Variants in PPL observed in about 807,000 individuals in gnomAD.
PPL encodes periplakin, also known as 190 kDa paraneoplastic pemphigus antigen.
A neutral mutation model predicts 194.4 loss-of-function variants in PPL; 198 were observed. That is an observed-to-expected ratio of 1.02 (90% CI 0.91 to 1.15). The LOEUF is 1.15. Ranked by LOEUF, PPL falls within the 50% of genes most tolerant of loss-of-function variation. The pLI is 0.00. For missense variants in PPL, 2,885 were observed against 2,294.8 expected (o/e 1.26, Z -5.25); for synonymous variants, 1,220 against 972.4 (o/e 1.25, Z -4.74).
At chr16:4,915,124 G>T (rs748300706) in intron 1 of PPL, among the ~76,000 whole-genome samples, 39 of 152,232 alleles carry the variant, frequency 2.6e-4, no homozygotes, top group Non-Finnish European at 5.1e-4. Flanking sequence ...ATGGATTGTG[G>T]CAGATGCAAG....
intron 1 of PPL, among the ~76,000 whole-genome samples, chr16:4,915,486 C>T (rs923213513): frequency 1.9e-4 from 29 of 152,202 alleles, no homozygotes; most frequent in Non-Finnish European, 3.5e-4. Flanking sequence ...TCATCCTTGC[C>T]CTAAGTCCCC....
chr16:4,934,995 G>T (rs2340756), intron 1 of PPL, among the ~76,000 whole-genome samples: 136,351 of 152,138 alleles, frequency 0.9, 61,409 homozygotes, highest in Middle Eastern at 0.95. Flanking sequence ...GAATGGTCTT[G>T]CACCCCAGGC....
chr16:4,889,238 GTTGTTTTTTTTTTTT>G (rs1407593603), intron 18 of PPL, among the ~76,000 whole-genome samples, 177 bp from the exon 19 acceptor site: 1,353 of 21,764 alleles, frequency 0.062, 66 homozygotes, highest in African/African-American at 0.096. Context: ...TTTTGTTGTT[GTTGTTTTTTTTTTTT>G]TTTTTTTTTT....
At chr16:4,921,193 T>G (rs1316392456) in intron 1 of PPL, among the ~76,000 whole-genome samples, 1 of 152,238 alleles carries the variant, frequency 6.6e-6, no homozygotes, top group African/African-American at 2.4e-5. Context: ...TATGAGGCTC[T>G]TGATGCAAGC....
intron 1 of PPL, among the ~76,000 whole-genome samples, chr16:4,919,307 A>T (rs546585346): frequency 2.6e-5 from 4 of 152,352 alleles, no homozygotes; most frequent in Non-Finnish European, 1.5e-5. Flanking sequence ...CCTGTGTAGG[A>T]GAAAGACTTC....
chr16:4,917,558 A>G (rs746974457), intron 1 of PPL, among the ~76,000 whole-genome samples: 1 of 152,142 alleles, frequency 6.6e-6, no homozygotes, highest in Non-Finnish European at 1.5e-5. Flanking sequence ...GGTGATAAAA[A>G]TGTTCTAAAA....
chr16:4,934,929 C>T (rs2089276870), intron 1 of PPL, among the ~76,000 whole-genome samples: 1 of 152,188 alleles, frequency 6.6e-6, no homozygotes, highest in Non-Finnish European at 1.5e-5. Context: ...AGGCATCTGA[C>T]ATCTGCTCAG....
chr16:4,937,061 G>A lies in PPL; in HGVS notation c.-16C>T, dbSNP rs763736646. 1.4e-5 allele frequency: 20 copies of A among 1,389,102 alleles called. No homozygotes were observed. Among genetic ancestry groups the A allele is most frequent in the South Asian group, 1.8e-5 (1 of 55,704 alleles). The allele number at this position is 1,389,102 out of a possible 1,614,324, so 86.0% of individuals were successfully genotyped here. On this transcript the variant is annotated 5_prime_UTR_variant, in exon 1 of 22. Coordinates refer to ENST00000345988, the MANE Select transcript of PPL (RefSeq NM_002705.5). ...GCGAGTTCATGGTGGCGCTCGGGGT[G>A]CGGGCGGCGGCGGCTGGCGGGCCGG... is the stretch of plus-strand genomic sequence containing the variant.
chr16:4,890,039 G>T, intron 18 of PPL, 145 bp downstream of exon 18: 1 of 1,181,948 alleles, frequency 8.5e-7, no homozygotes, highest in Non-Finnish European at 1.2e-6. Context: ...TTGGGAGCTT[G>T]AGCTGAGGCC....
In PPL at chr16:4,884,546, G is replaced by A; in HGVS notation, c.4109C>T (p.Ala1370Val). The A allele has an allele frequency of 6.2e-7, 1 of 1,613,334 alleles. No individual in the cohort carries two copies. ...EEPGLRAEAS[A>V]FAESIDVELR... ...CTCCACATCGATGCTCTCGGCAAAG[G>A]CGCTCGCCTCGGCCCGCAGGCCTGG... is the stretch of plus-strand genomic sequence containing the variant. Residue 1370 changes from alanine to valine, a missense_variant, in exon 22 of 22, where the codon GCC becomes GTC. By Grantham distance (64) the Ala-to-Val change is moderately conservative. Transcript: ENST00000345988. This position sits in a 1 kb window ranked among gnomAD's most constrained non-coding sequence, Gnocchi z 5.7.
At position 4,883,692 on chromosome 16, in the gene PPL, G is replaced by A. The variant is rs1243715868; in HGVS notation, c.4963C>T (p.Arg1655Trp). 1.1e-5 allele frequency: 18 copies of A among 1,613,932 alleles called. No individual in the cohort carries two copies. The African/African-American group carries it at 1.6e-4, about 14-fold the overall frequency. The stretch of plus-strand genomic sequence containing the variant: ...GGGTGGATGACTACGATGGAGCGCC[G>A]CAGGTGGTTCTCCCGCTGCTCCCGC... ...VKREQRENHLRRSIVVIHPDT... is the reference protein window; with the variant it reads ...VKREQRENHLWRSIVVIHPDT... Residue 1655 changes from arginine (R) to tryptophan (W), a missense_variant, in exon 22 of 22, where the codon CGG (arginine) becomes TGG (tryptophan). Arg to Trp is a moderately radical substitution (Grantham distance 101). Transcript: ENST00000345988. This position sits in a 1 kb window ranked among gnomAD's most constrained non-coding sequence, Gnocchi z 4.8.
At chr16:4,912,768 G>A (rs894892462) in intron 1 of PPL, among the ~76,000 whole-genome samples, 1 of 152,170 alleles carries the variant, frequency 6.6e-6, no homozygotes, top group African/African-American at 2.4e-5. Context: ...AGCCGTGGTG[G>A]CGTCAGGCCC....
chr16:4,917,862 A>C (rs2088955997), intron 1 of PPL, among the ~76,000 whole-genome samples: 2 of 152,066 alleles, frequency 1.3e-5, no homozygotes, highest in African/African-American at 4.8e-5. Context: ...AGATTTCGCC[A>C]CTGCATTCCA....
rs1251438508 is a variant in PPL, at chr16:4,887,157, A to G, written c.2585T>C (p.Phe862Ser). ...INRQRLQNLE[F>S]ALNLLRQQPE... ...TACCTGTCTGAGGAGATTCAGAGCA[A>G]ACTCCAGATTCTGCAGCCTCTGTCT... The change falls in exon 21 of 22, where the codon TTT becomes TCT. Residue 862 changes from phenylalanine to serine, a missense_variant. By Grantham distance (155) the Phe-to-Ser change is radical. Transcript: ENST00000345988. The G allele has an allele frequency of 6.2e-7, 1 of 1,614,082 alleles. No homozygotes were observed. Among genetic ancestry groups the G allele is most frequent in the Non-Finnish European group, 8.5e-7 (1 of 1,179,912 alleles).
At chr16:4,928,996 A>C (rs28385354) in intron 1 of PPL, among the ~76,000 whole-genome samples, 2 of 137,182 alleles carry the variant, frequency 1.5e-5, no homozygotes, top group Non-Finnish European at 3.1e-5. Flanking sequence ...CTGGGCAACA[A>C]AAGTGAAACT....
intron 3 of PPL, among the ~76,000 whole-genome samples, chr16:4,903,584 G>A (rs1450038875): frequency 1.3e-5 from 2 of 152,234 alleles, no homozygotes; most frequent in East Asian, 3.9e-4. Flanking sequence ...GCCGGGCATG[G>A]TGGTGCATGC....
intron 10 of PPL, 77 bp from the exon 11 acceptor site, chr16:4,895,484 G>C (rs2088408965): frequency 2.5e-6 from 4 of 1,602,724 alleles, no homozygotes; most frequent in Non-Finnish European, 3.4e-6. Context: ...GCAGGGGCTG[G>C]ATTCAGCAGG....
chr16:4,885,834 C>A lies in PPL; in HGVS notation c.2821G>T (p.Val941Leu), dbSNP rs1448889840. ...CTCTCCTCCAGCACGGGATCCGGCA[C>A]CTTCTTGAGCACCTCCTTCCTCACC... ...SVVRKEVLKK[V>L]PDPVLEESFQ... Residue 941 changes from valine to leucine, a missense_variant, in exon 22 of 22, where the codon GTG (valine) becomes TTG (leucine). Physicochemically the swap from Val to Leu is conservative, Grantham distance 32. Coordinates refer to ENST00000345988, the MANE Select transcript of PPL (RefSeq NM_002705.5). This position sits in a 1 kb window ranked among gnomAD's most constrained non-coding sequence, Gnocchi z 6.3. The A allele has an allele frequency of 3.1e-6, 5 of 1,607,928 alleles. No individual in the cohort carries two copies. The highest frequency in any genetic ancestry group is 4.2e-6 in the Non-Finnish European group (5 of 1,179,996).
Position 4,902,612 on chromosome 16 carries a change from A to T in PPL, c.318-86T>A. The stretch of plus-strand genomic sequence containing the variant: ...GGCCCCCCACCCAGACCCCGGCCTC[A>T]GTGTCCTGGAAGGACACAGTGACCA... On this transcript the variant is annotated intron_variant, in intron 3 of 21. Coordinates refer to ENST00000345988, the MANE Select transcript of PPL (RefSeq NM_002705.5). This position sits in a 1 kb window ranked among gnomAD's most constrained non-coding sequence, Gnocchi z 4.0. The T allele has an allele frequency of 6.7e-7, 1 of 1,500,730 alleles. No homozygotes were observed. Among genetic ancestry groups the T allele is most frequent in the Non-Finnish European group, 9.0e-7 (1 of 1,106,408 alleles). The allele number at this position is 1,500,730 out of a possible 1,614,324, so 93.0% of individuals were successfully genotyped here. A position where few individuals can be genotyped will look rare whatever the true frequency, so the allele number is the denominator to read the frequency against.
Sources: gnomAD v4.1 joint callset for allele counts (sites outside exome capture counted in the v4.1 genomes callset) on GRCh38, gnomAD v4.1.1 for gene constraint, Gnocchi (gnomAD v3.1) non-coding constraint, MANE v1.5 for transcripts, NCBI Gene and HGNC (gene_info 2026-07-23, HGNC 2026-07-21) for gene names.